PTPRM: variants seen among roughly 807,000 people sequenced by gnomAD.
PTPRM encodes the protein protein tyrosine phosphatase receptor type M, also known as receptor-type tyrosine-protein phosphatase mu.
In PTPRM, 47 loss-of-function variants were observed where a neutral mutation model predicts 186.7. That is an observed-to-expected ratio of 0.25 (90% CI 0.20 to 0.32). The LOEUF (loss-of-function observed/expected upper bound fraction) is 0.32. Among genes scored for constraint, PTPRM ranks in the 10% least tolerant of loss-of-function variants. The pLI is 1.00. For synonymous variants in PTPRM, 668 were observed against 674.9 expected (o/e 0.99, Z 0.16); for missense variants, 1,494 against 1,865.0 (o/e 0.80, Z 3.66).
intron 1 of PTPRM, among the ~76,000 whole-genome samples, chr18:7,638,362 A>T (rs1431546395): frequency 6.6e-6 from 1 of 152,220 alleles, no homozygotes; most frequent in Non-Finnish European, 1.5e-5. Context: ...AATTTATTCT[A>T]GGGCTCAAGG....
intron 11 of PTPRM, among the ~76,000 whole-genome samples, chr18:8,109,926 G>C (rs191844537): frequency 6.6e-6 from 1 of 152,258 alleles, no homozygotes; most frequent in Non-Finnish European, 1.5e-5. Flanking sequence ...AACATAACTA[G>C]CATCCTCTTA....
intron 7 of PTPRM, among the ~76,000 whole-genome samples, chr18:7,977,420 C>T (rs1287697196): frequency 6.6e-6 from 1 of 151,966 alleles, no homozygotes; most frequent in Non-Finnish European, 1.5e-5. Context: ...TTGGCATGCA[C>T]TTCACCGTAG....
At chr18:8,335,165 G>A (rs79233908) in intron 22 of PTPRM, among the ~76,000 whole-genome samples, 5,770 of 152,026 alleles carry the variant, frequency 0.038, 485 homozygotes, top group Admixed American at 0.19. Flanking sequence ...CCTACAAGAG[G>A]GCCCCATGGG....
At chr18:8,388,371 C>T (rs1399612946) in intron 31 of PTPRM, among the ~76,000 whole-genome samples, 1 of 152,190 alleles carries the variant, frequency 6.6e-6, no homozygotes. Context: ...AGACCTGGCT[C>T]AGGGCGTGGG....
At chr18:8,164,789 T>C (rs1002360041) in intron 14 of PTPRM, among the ~76,000 whole-genome samples, 1 of 152,222 alleles carries the variant, frequency 6.6e-6, no homozygotes, top group Non-Finnish European at 1.5e-5. Context: ...GTTGCACAAC[T>C]ATGTGCATGA....
At chr18:7,573,755 A>T (rs993630001) in intron 1 of PTPRM, among the ~76,000 whole-genome samples, 1 of 150,792 alleles carries the variant, frequency 6.6e-6, no homozygotes, top group African/African-American at 2.4e-5. Context: ...ACGCCTGGCT[A>T]ATTTTTGTAT....
intron 1 of PTPRM, among the ~76,000 whole-genome samples, chr18:7,616,215 G>T (rs578062484): frequency 1.3e-5 from 2 of 152,244 alleles, no homozygotes; most frequent in Admixed American, 1.3e-4. Flanking sequence ...GGAGTGTGGT[G>T]GTGCCATCAC....
chr18:8,238,869 G>A (rs933223131), intron 14 of PTPRM, among the ~76,000 whole-genome samples: 5 of 151,218 alleles, frequency 3.3e-5, no homozygotes, highest in African/African-American at 4.9e-5. Flanking sequence ...CTCCCCCACC[G>A]TTAGTTGGGA....
chr18:7,868,753 G>T (rs2047838282), intron 2 of PTPRM, among the ~76,000 whole-genome samples: 1 of 152,240 alleles, frequency 6.6e-6, no homozygotes, highest in South Asian at 2.1e-4. Context: ...GCTCTCTTCA[G>T]AGCTGACAGG....
chr18:7,587,159 A>G (rs936472960), intron 1 of PTPRM, among the ~76,000 whole-genome samples: 1 of 152,184 alleles, frequency 6.6e-6, no homozygotes, highest in African/African-American at 2.4e-5. Flanking sequence ...AATTATCACT[A>G]GTATGTAATC....
At chr18:7,835,321 T>A (rs1239037307) in intron 2 of PTPRM, among the ~76,000 whole-genome samples, 1 of 152,100 alleles carries the variant, frequency 6.6e-6, no homozygotes, top group Non-Finnish European at 1.5e-5. Context: ...AATTTCCTTC[T>A]TAATTTCTTC....
At chr18:8,379,049 G>A (rs940777137) in intron 27 of PTPRM, 118 bp from the exon 28 acceptor site, 34 of 756,548 alleles carry the variant, frequency 4.5e-5, no homozygotes, top group Admixed American at 6.5e-5. Flanking sequence ...TGGGGAGGGA[G>A]GGGGAAGGGA....
chr18:7,991,657 C>A (rs2083275475), intron 7 of PTPRM, among the ~76,000 whole-genome samples: 1 of 152,148 alleles, frequency 6.6e-6, no homozygotes, highest in Non-Finnish European at 1.5e-5. Context: ...TTGTGAGCAT[C>A]TTAGATTTGG....
chr18:7,863,896 C>T (rs963201467), intron 2 of PTPRM, among the ~76,000 whole-genome samples: 2 of 152,172 alleles, frequency 1.3e-5, no homozygotes, highest in Admixed American at 6.5e-5. Context: ...ACCATTGTAA[C>T]TGGCGTGAGA....
At chr18:8,394,375 G>C in intron 31 of PTPRM, 101 bp from the exon 32 acceptor site, 1 of 1,356,334 alleles carries the variant, frequency 7.4e-7, no homozygotes, top group Non-Finnish European at 9.8e-7. Flanking sequence ...GCCCTTTGTT[G>C]TTACTGTTCC....
chr18:8,134,796 G>A (rs1177422723), intron 13 of PTPRM, among the ~76,000 whole-genome samples: 2 of 151,966 alleles, frequency 1.3e-5, no homozygotes, highest in East Asian at 3.9e-4. Flanking sequence ...TTTAACTTGA[G>A]TCTTGTATTC....
intron 14 of PTPRM, among the ~76,000 whole-genome samples, chr18:8,171,268 A>G (rs925033311): frequency 6.6e-6 from 1 of 152,220 alleles, no homozygotes; most frequent in Non-Finnish European, 1.5e-5. Flanking sequence ...GAATGTGCAG[A>G]AATTCTACAG....
chr18:8,379,497 T>A (rs915913802), intron 28 of PTPRM, among the ~76,000 whole-genome samples, 157 bp downstream of exon 28: 2 of 152,192 alleles, frequency 1.3e-5, no homozygotes, highest in Admixed American at 1.3e-4. Context: ...TCCACGTATG[T>A]TTTTGTGTCG....
chr18:8,110,175 A>G (rs1467473532), intron 11 of PTPRM, among the ~76,000 whole-genome samples: 1 of 152,214 alleles, frequency 6.6e-6, no homozygotes, highest in African/African-American at 2.4e-5. Context: ...GTCACGAGAC[A>G]CAACAGTGAC....
Sources: allele counts gnomAD v4.1 joint callset (sites outside exome capture counted in the v4.1 genomes callset), GRCh38; gene constraint gnomAD v4.1.1; transcripts MANE v1.5; gene names NCBI Gene and HGNC (gene_info 2026-07-23, HGNC 2026-07-21).